PDE3B: variants seen among roughly 807,000 people sequenced by gnomAD.
The protein encoded by PDE3B is cGMP-inhibited 3',5'-cyclic phosphodiesterase 3B.
A neutral mutation model predicts 116.8 loss-of-function variants in PDE3B; 66 were observed. The ratio of observed to expected loss-of-function variants is 0.56; its 90% confidence interval spans 0.46 to 0.69. The LOEUF (loss-of-function observed/expected upper bound fraction) is 0.69. PDE3B is among the 30% of genes least tolerant of loss of function. PDE3B has a pLI of 0.00. For missense variants in PDE3B, 1,384 were observed against 1,368.1 expected, an observed-to-expected ratio of 1.01 and a Z score of -0.18; for synonymous variants, 595 against 533.6, an observed-to-expected ratio of 1.12 and a Z score of -1.59.
At chr11:14,685,394 C>T (rs1381008409) in intron 1 of PDE3B, among the ~76,000 whole-genome samples, 1 of 143,812 alleles carries the variant, frequency 7.0e-6, no homozygotes, top group African/African-American at 2.5e-5. Context: ...TTGATTTATT[C>T]ATTATTCTAG....
chr11:14,806,807 C>T (rs557846216), intron 5 of PDE3B, among the ~76,000 whole-genome samples: 8 of 140,392 alleles, frequency 5.7e-5, no homozygotes, highest in East Asian at 2.1e-4. Flanking sequence ...TGCAGTGAGC[C>T]GAGATCCCAC....
the PDE3B span, among the ~76,000 whole-genome samples, chr11:14,889,189 T>C: frequency 6.8e-6 from 1 of 147,804 alleles, no homozygotes; most frequent in African/African-American, 2.5e-5. Context: ...TCTGTGAGCA[T>C]ACATCTCAAA....
chr11:14,696,238 A>T (rs1855202838), intron 1 of PDE3B, among the ~76,000 whole-genome samples: 1 of 151,896 alleles, frequency 6.6e-6, no homozygotes, highest in Non-Finnish European at 1.5e-5. Context: ...TGTGGTTTTG[A>T]TTTGCATTTC....
chr11:14,645,179 G>T (rs1294902577), intron 1 of PDE3B, 126 bp downstream of exon 1: 7 of 288,424 alleles, frequency 2.4e-5, no homozygotes, highest in African/African-American at 1.1e-4. Context: ...TGTGTTGCGG[G>T]GGGGGGGGGG....
intron 1 of PDE3B, among the ~76,000 whole-genome samples, chr11:14,681,438 T>C (rs1190929438): frequency 6.6e-6 from 1 of 152,210 alleles, no homozygotes; most frequent in Non-Finnish European, 1.5e-5. Flanking sequence ...CTGATGGTTT[T>C]GTAAGGGAGA....
chr11:14,728,204 G>C (rs1054232649), intron 1 of PDE3B, among the ~76,000 whole-genome samples: 13 of 151,886 alleles, frequency 8.6e-5, no homozygotes, highest in Middle Eastern at 3.2e-3. Flanking sequence ...TTTCATTTCA[G>C]GTGGTTGGCT....
chr11:14,836,814 CTTTG>C (rs1860070738), intron 11 of PDE3B, among the ~76,000 whole-genome samples: 1 of 152,244 alleles, frequency 6.6e-6, no homozygotes, highest in East Asian at 1.9e-4. Flanking sequence ...TTCTTTCTTT[CTTTG>C]TTTATTTTGG....
intron 8 of PDE3B, 133 bp downstream of exon 8, chr11:14,830,979 A>G: frequency 2.3e-6 from 1 of 428,232 alleles, no homozygotes; most frequent in Non-Finnish European, 4.0e-6. Context: ...ATAAGTCACT[A>G]TAACTGAAAT....
chr11:14,735,957 G>GTT (rs1406683864), intron 1 of PDE3B, among the ~76,000 whole-genome samples: 2 of 104,002 alleles, frequency 1.9e-5, no homozygotes, highest in Admixed American at 1.9e-4. Flanking sequence ...GGAATAATAG[G>GTT]TTGTGTGTGT....
At chr11:14,859,304 A>G in intron 13 of PDE3B, 58 bp downstream of exon 13, 1 of 1,215,300 alleles carries the variant, frequency 8.2e-7, no homozygotes, top group South Asian at 1.4e-5. Context: ...TGTTACTGAT[A>G]AAATATGTTT....
chr11:14,721,420 C>A (rs1464336323), intron 1 of PDE3B, among the ~76,000 whole-genome samples: 16 of 149,310 alleles, frequency 1.1e-4, no homozygotes, highest in South Asian at 2.1e-4. Flanking sequence ...CATCCCATTA[C>A]TGGGTATATA....
rs773548686 is a variant in PDE3B, at chr11:14,644,415, G to A, written c.340G>A (p.Val114Met). ...GAAWLRTLLS[V>M]CSHSLSPLFS... ...CGCCTGGCTGCGGACGCTGCTGAGC[G>A]TGTGTTCGCACAGCTTGAGCCCCCT... is the stretch of plus-strand genomic sequence containing the variant. The change falls in exon 1 of 16, where the codon GTG (valine) becomes ATG (methionine). Residue 114 changes from valine to methionine, a missense_variant. Transcript: ENST00000282096. The A allele has an allele frequency of 3.7e-6, 6 of 1,610,578 alleles. No individual in the cohort carries two copies. The highest frequency in any genetic ancestry group is 1.7e-5 in the Admixed American group (1 of 59,776).
chr11:14,759,576 G>C (rs1364697771), intron 1 of PDE3B, among the ~76,000 whole-genome samples: 1 of 144,798 alleles, frequency 6.9e-6, no homozygotes, highest in East Asian at 2.0e-4. Flanking sequence ...TTGAGACAGA[G>C]TCTTGCTTTG....
chr11:14,716,138 C>T (rs1258080775), intron 1 of PDE3B, among the ~76,000 whole-genome samples: 8 of 152,210 alleles, frequency 5.3e-5, no homozygotes, highest in East Asian at 3.9e-4. Flanking sequence ...GTTCCCTTTC[C>T]GAGTCAAAGA....
chr11:14,848,614 T>A (rs981277447), intron 12 of PDE3B, among the ~76,000 whole-genome samples: 17 of 152,204 alleles, frequency 1.1e-4, no homozygotes, highest in Non-Finnish European at 1.9e-4. Flanking sequence ...CAAAATCTCC[T>A]TAAGCTGATA....
At chr11:14,656,747 A>T (rs1040000484) in intron 1 of PDE3B, among the ~76,000 whole-genome samples, 1 of 152,232 alleles carries the variant, frequency 6.6e-6, no homozygotes, top group Non-Finnish European at 1.5e-5. Context: ...CAAGTTTTCA[A>T]CAGATTAGTT....
At chr11:14,737,887 G>A (rs1178533307) in intron 1 of PDE3B, among the ~76,000 whole-genome samples, 2 of 150,980 alleles carry the variant, frequency 1.3e-5, no homozygotes, top group Non-Finnish European at 2.9e-5. Flanking sequence ...TTTGTCCTTG[G>A]GGTAGTTTAC....
At chr11:14,891,692 CGCAGGA>C in the PDE3B span, 1 of 1,202,174 alleles carries the variant, frequency 8.3e-7, no homozygotes, top group Non-Finnish European at 1.0e-6. Flanking sequence ...ACGGCGCAGG[CGCAGGA>C]GCAAGAGCTC....
At chr11:14,729,576 C>T (rs1856400686) in intron 1 of PDE3B, among the ~76,000 whole-genome samples, 1 of 152,094 alleles carries the variant, frequency 6.6e-6, no homozygotes, top group African/African-American at 2.4e-5. Flanking sequence ...TTATAATTTT[C>T]TATGTTTAAA....
Sources: gnomAD v4.1 joint callset for allele counts (sites outside exome capture counted in the v4.1 genomes callset) on GRCh38, gnomAD v4.1.1 for gene constraint, MANE v1.5 for transcripts, NCBI Gene and HGNC (gene_info 2026-07-23, HGNC 2026-07-21) for gene names.